Variants in PLEKHA7 observed in about 807,000 individuals in gnomAD.
PLEKHA7 encodes the protein pleckstrin homology domain containing A7, also known as pleckstrin homology domain-containing family A member 7.
A neutral mutation model predicts 170.0 loss-of-function variants in PLEKHA7; 104 were observed. The ratio of observed to expected loss-of-function variants is 0.61; its 90% CI spans 0.52 to 0.72. The LOEUF is 0.72. PLEKHA7 is among the 30% of genes least tolerant of loss of function. PLEKHA7 has a pLI of 0.00. For missense variants in PLEKHA7, 1,615 were observed against 1,671.7 expected (o/e 0.97, Z 0.59); for synonymous variants, 648 against 660.8 (o/e 0.98, Z 0.30).
At chr11:17,013,039 C>A (rs1016226060) in intron 3 of PLEKHA7, 1 of 152,236 alleles carries the variant, frequency 6.6e-6, no homozygotes, top group South Asian at 2.1e-4. Context: ...ACCGTCCAGA[C>A]CTTTGGCGAG....
chr11:16,991,463 G>C (rs1864037514), intron 3 of PLEKHA7, among the ~76,000 whole-genome samples: 1 of 152,052 alleles, frequency 6.6e-6, no homozygotes, highest in Admixed American at 6.6e-5. Context: ...CGAGATAATA[G>C]AGTGTGCTGG....
chr11:16,818,009 C>T (rs1469906401), intron 10 of PLEKHA7, among the ~76,000 whole-genome samples: 2 of 152,196 alleles, frequency 1.3e-5, no homozygotes, highest in Admixed American at 6.5e-5. Context: ...GCTCTTCCTA[C>T]GGGCCACGCC....
In PLEKHA7 at chr11:16,978,024, G is replaced by A. The variant is rs190577997; in HGVS notation, c.221+35965C>T. On this transcript the variant is annotated intron_variant, in intron 3 of 26. Coordinates refer to ENST00000531066, the MANE Select transcript of PLEKHA7 (RefSeq NM_001329630.2). ...GACTGAGATCTTGTGCATTAAAATC[G>A]GTTGGACAGCAGGCACACCTCCTGT... is the stretch of plus-strand genomic sequence containing the variant. Among the ~76,000 whole-genome samples, 606 of 152,118 alleles carry A rather than the reference G, an allele frequency of 4.0e-3. 2 individuals carry two copies. Among genetic ancestry groups the A allele is most frequent in the Middle Eastern group, 6.8e-3 (2 of 294 alleles).
In PLEKHA7 at chr11:16,911,643, C is replaced by T. The variant is rs185533300; in HGVS notation, c.222-40461G>A. On this transcript the variant is annotated intron_variant, in intron 3 of 26. Transcript: ENST00000531066. ...GAGGAAACTGGCAGAAGTGAGGTCT[C>T]GGGGATAACAGAGAGCCATGCAGGG... 2.5e-4 allele frequency among the ~76,000 whole-genome samples: 38 copies of T among 151,838 alleles called. No individual in the cohort carries two copies. The East Asian group carries it at 5.8e-3, about 23-fold the overall frequency.
chr11:16,836,239 TG>T (rs1753627723), intron 9 of PLEKHA7, among the ~76,000 whole-genome samples: 1 of 152,174 alleles, frequency 6.6e-6, no homozygotes, highest in Admixed American at 6.5e-5. Context: ...AGCTCAAGAC[TG>T]AATTTAACAC....
chr11:16,869,262 A>G (rs1297124408), intron 4 of PLEKHA7, among the ~76,000 whole-genome samples: 1 of 152,204 alleles, frequency 6.6e-6, no homozygotes, highest in Non-Finnish European at 1.5e-5. Context: ...CCTGACTGTC[A>G]TCTCCCATGG....
intron 3 of PLEKHA7, among the ~76,000 whole-genome samples, chr11:16,916,363 T>C (rs1004697106): frequency 1.3e-5 from 2 of 152,194 alleles, no homozygotes; most frequent in Non-Finnish European, 2.9e-5. Flanking sequence ...CAAGTGGACT[T>C]TCTACCGCAG....
At chr11:16,911,761 C>A (rs967789492) in intron 3 of PLEKHA7, among the ~76,000 whole-genome samples, 1 of 152,164 alleles carries the variant, frequency 6.6e-6, no homozygotes, top group South Asian at 2.1e-4. Flanking sequence ...TCTTTCCCCA[C>A]GCTCTCCCAC....
At chr11:16,889,755 C>T (rs1365088074) in intron 3 of PLEKHA7, among the ~76,000 whole-genome samples, 1 of 151,962 alleles carries the variant, frequency 6.6e-6, no homozygotes, top group African/African-American at 2.4e-5. Context: ...AGAAAACTTC[C>T]CTGGTCATGT....
At chr11:16,835,596 T>C (rs1318876010) in intron 9 of PLEKHA7, among the ~76,000 whole-genome samples, 1 of 152,184 alleles carries the variant, frequency 6.6e-6, no homozygotes, top group African/African-American at 2.4e-5. Context: ...ACCTACTATG[T>C]CTCAGGCACT....
chr11:16,985,184 G>C (rs1863652366), intron 3 of PLEKHA7, among the ~76,000 whole-genome samples: 1 of 152,248 alleles, frequency 6.6e-6, no homozygotes, highest in African/African-American at 2.4e-5. Context: ...ACCTGGCCCA[G>C]GGTTGGCATG....
intron 9 of PLEKHA7, among the ~76,000 whole-genome samples, chr11:16,827,156 G>A (rs746203045): frequency 9.9e-5 from 15 of 152,164 alleles, no homozygotes; most frequent in Non-Finnish European, 1.8e-4. Flanking sequence ...TCCCACTGGT[G>A]TCTAACACAG....
At chr11:16,922,247 G>A (rs1048968355) in intron 3 of PLEKHA7, among the ~76,000 whole-genome samples, 1 of 151,994 alleles carries the variant, frequency 6.6e-6, no homozygotes, top group Non-Finnish European at 1.5e-5. Flanking sequence ...CTCTCTAGCT[G>A]CCTTAATTAA....
At chr11:16,798,488 A>T (rs1044199793) in intron 17 of PLEKHA7, among the ~76,000 whole-genome samples, 2 of 152,232 alleles carry the variant, frequency 1.3e-5, no homozygotes, top group African/African-American at 4.8e-5. Flanking sequence ...AAAGGATTCT[A>T]GGCCTGCTAT....
At chr11:16,888,401 C>A (rs74901077) in intron 3 of PLEKHA7, among the ~76,000 whole-genome samples, 2 of 149,064 alleles carry the variant, frequency 1.3e-5, no homozygotes, top group South Asian at 2.1e-4. Context: ...GTTGAGTAGA[C>A]GGGGGGGAAA....
intron 3 of PLEKHA7, among the ~76,000 whole-genome samples, chr11:17,010,445 T>A (rs1313664886): frequency 6.6e-6 from 1 of 151,376 alleles, no homozygotes; most frequent in African/African-American, 2.4e-5. Flanking sequence ...CTGGAGAGTA[T>A]TAAAACATTT....
At chr11:16,947,946 AAAAG>A (rs1465609474) in intron 3 of PLEKHA7, among the ~76,000 whole-genome samples, 1 of 151,952 alleles carries the variant, frequency 6.6e-6, no homozygotes, top group Non-Finnish European at 1.5e-5. Context: ...AAAAAAGAAA[AAAAG>A]AAAAGAAAAC....
At position 16,859,387 on chromosome 11, in the gene PLEKHA7, T is replaced by C. The variant is rs139980358; in HGVS notation, c.306-3473A>G. Among the ~76,000 whole-genome samples the C allele has an allele frequency of 8.9e-4, 135 of 152,278 alleles. 1 individual carries two copies. Among genetic ancestry groups the C allele is most frequent in the African/African-American group, 3.0e-3 (126 of 41,556 alleles). Reference sequence around the variant, plus strand: ...AATAACAACTAGTTAAAAAAAATGGTGGTCGTGCTTGGGGATGCCATTTGT... The same window carrying C: ...AATAACAACTAGTTAAAAAAAATGGCGGTCGTGCTTGGGGATGCCATTTGT... On this transcript the variant is annotated intron_variant, in intron 4 of 26. Coordinates refer to ENST00000531066, the MANE Select transcript of PLEKHA7 (RefSeq NM_001329630.2).
intron 3 of PLEKHA7, among the ~76,000 whole-genome samples, chr11:16,954,815 G>A (rs1266043260): frequency 4.0e-5 from 6 of 151,320 alleles, no homozygotes; most frequent in Non-Finnish European, 1.5e-5. Flanking sequence ...TTCAGCCTCC[G>A]GAGTAGCTGG....
Sources: gnomAD v4.1 joint callset for allele counts (sites outside exome capture counted in the v4.1 genomes callset) on GRCh38, gnomAD v4.1.1 for gene constraint, MANE v1.5 for transcripts, NCBI Gene and HGNC (gene_info 2026-07-23, HGNC 2026-07-21) for gene names.